TBC1D30: variants seen among roughly 807,000 people sequenced by gnomAD.
TBC1D30 encodes TBC1 domain family member 30, also known as TBC1 domain family, member 30.
Under a neutral mutation model 63.2 loss-of-function variants are expected in TBC1D30, and 31 were observed. The ratio of observed to expected loss-of-function variants is 0.49; its 90% CI spans 0.37 to 0.66. The LOEUF (loss-of-function observed/expected upper bound fraction) is 0.66, where lower values mean the gene tolerates loss of function less well. TBC1D30 is among the 30% of genes least tolerant of loss of function. TBC1D30 has a pLI of 0.00. For synonymous variants in TBC1D30, 307 were observed against 361.5 expected, an observed-to-expected ratio of 0.85 and a Z score of 1.71; for missense variants, 810 against 953.6, an observed-to-expected ratio of 0.85 and a Z score of 1.98.
chr12:64,782,423 G>A (rs74099673), intron 1 of TBC1D30, among the ~76,000 whole-genome samples: 4,899 of 150,344 alleles, frequency 0.033, 290 homozygotes, highest in African/African-American at 0.11. Context: ...GATTGTTACA[G>A]ATAGCTTCCA....
intron 8 of TBC1D30, among the ~76,000 whole-genome samples, chr12:64,856,942 A>G (rs1278459484): frequency 6.6e-6 from 1 of 151,910 alleles, no homozygotes; most frequent in Admixed American, 6.6e-5. Context: ...GGGCTCTTCC[A>G]TCAGCTTATG....
At chr12:64,868,687 C>T (rs1202891587) in intron 10 of TBC1D30, 8 of 270,636 alleles carry the variant, frequency 3.0e-5, no homozygotes, top group South Asian at 2.5e-4. Context: ...TTCTTCTCTT[C>T]GACACCCTCC....
At chr12:64,789,752 C>T (rs1165823162) in intron 2 of TBC1D30, among the ~76,000 whole-genome samples, 2 of 152,036 alleles carry the variant, frequency 1.3e-5, no homozygotes, top group Non-Finnish European at 2.9e-5. Context: ...AAAACAAGAT[C>T]AATATTGTAT....
At chr12:64,803,199 T>C (rs1872683830) in intron 2 of TBC1D30, among the ~76,000 whole-genome samples, 2 of 152,242 alleles carry the variant, frequency 1.3e-5, no homozygotes, top group South Asian at 4.1e-4. Flanking sequence ...CTAACTGGTG[T>C]GAGATGGCAT....
intron 8 of TBC1D30, among the ~76,000 whole-genome samples, chr12:64,853,211 C>T (rs1230446394): frequency 6.6e-6 from 1 of 152,194 alleles, no homozygotes; most frequent in African/African-American, 2.4e-5. Context: ...TGTAGAGAAG[C>T]ACTCTAGCGA....
intron 8 of TBC1D30, among the ~76,000 whole-genome samples, chr12:64,853,538 GA>G (rs1348376321): frequency 1.3e-5 from 2 of 151,240 alleles, no homozygotes; most frequent in Non-Finnish European, 1.5e-5. Flanking sequence ...ACTGGGGTAT[GA>G]AAAAAAAACT....
intron 8 of TBC1D30, among the ~76,000 whole-genome samples, chr12:64,843,851 GC>G (rs750189103): frequency 1.3e-5 from 2 of 152,186 alleles, no homozygotes; most frequent in Non-Finnish European, 2.9e-5. Context: ...GAGTGCAGTG[GC>G]ACAATCGTTG....
intron 2 of TBC1D30, among the ~76,000 whole-genome samples, chr12:64,795,320 T>C (rs566613144): frequency 7.2e-5 from 11 of 152,342 alleles, no homozygotes; most frequent in African/African-American, 2.2e-4. Flanking sequence ...TGGGAGTCTC[T>C]GCATTCAGTA....
chr12:64,827,687 CT>C, intron 1 of TBC1D30, 147 bp from the exon 2 acceptor site: 1 of 591,156 alleles, frequency 1.7e-6, no homozygotes, highest in South Asian at 2.4e-5. Flanking sequence ...ATATGCTTAC[CT>C]TTTGGCAAAA....
chr12:64,845,477 A>G lies in TBC1D30; in HGVS notation c.1038+1992A>G, dbSNP rs890234171. On this transcript the variant is annotated intron_variant, in intron 8 of 11. Coordinates refer to ENST00000539867, the MANE Select transcript of TBC1D30 (RefSeq NM_015279.2). ...CGCGGTGGCTCATGCCTGTAATCCCAGCGCTTTGGGAGGCTGAGGCGGGCA... is the reference window on the plus strand; with the variant it reads ...CGCGGTGGCTCATGCCTGTAATCCCGGCGCTTTGGGAGGCTGAGGCGGGCA... Among the ~76,000 whole-genome samples, 7 of 152,264 alleles carry G rather than the reference A, an allele frequency of 4.6e-5. 1 individual carries two copies. The South Asian group carries it at 1.5e-3, about 32-fold the overall frequency.
chr12:64,837,747 G>A (rs1380089972), intron 6 of TBC1D30, among the ~76,000 whole-genome samples: 1 of 152,190 alleles, frequency 6.6e-6, no homozygotes, highest in East Asian at 1.9e-4. Context: ...TGGCTCTGCA[G>A]TATAACTGTG....
chr12:64,864,766 C>G lies in TBC1D30; in HGVS notation c.1137C>G (p.Pro379=). The G allele has an allele frequency of 6.5e-7, 1 of 1,535,376 alleles. No individual in the cohort carries two copies. Among genetic ancestry groups the G allele is most frequent in the Non-Finnish European group, 8.7e-7 (1 of 1,146,400 alleles). Residue 379 remains proline (P), a synonymous_variant, in exon 9 of 12, where the codon CCC becomes CCG. Transcript: ENST00000539867. ...NITPFPATVK[P]TSVSGRHSKA... Reference sequence around the variant, plus strand: ...CACCGTTCCCAGCCACAGTTAAACCCACCTCAGTTTCTGGGTAAGGTTTTT... The same window carrying G: ...CACCGTTCCCAGCCACAGTTAAACCGACCTCAGTTTCTGGGTAAGGTTTTT...
chr12:64,827,005 G>C (rs368530790), intron 1 of TBC1D30, among the ~76,000 whole-genome samples: 85 of 152,178 alleles, frequency 5.6e-4, no homozygotes, highest in African/African-American at 2.0e-3. Flanking sequence ...CTAAGAAGTG[G>C]AAGTTGTGGA....
intron 3 of TBC1D30, among the ~76,000 whole-genome samples, chr12:64,829,026 G>T (rs1464645669): frequency 6.6e-6 from 1 of 151,930 alleles, no homozygotes; most frequent in Admixed American, 6.6e-5. Flanking sequence ...GGGGTGGGGC[G>T]GGGCTGGGGC....
Position 64,876,957 on chromosome 12 carries a change from A to G in TBC1D30, c.*1169A>G, listed in dbSNP as rs2136495880. The G allele has an allele frequency of 2.4e-5, 11 of 455,460 alleles. No homozygotes were observed. Among genetic ancestry groups the G allele is most frequent in the South Asian group, 1.6e-4 (10 of 64,454 alleles). The allele number at this position is 455,460 out of a possible 1,614,324, so 28.2% of individuals were successfully genotyped here. On this transcript the variant is annotated 3_prime_UTR_variant, in exon 12 of 12. Coordinates refer to ENST00000539867, the MANE Select transcript of TBC1D30 (RefSeq NM_015279.2). ...CAAGGTCAGTACTCTCGGTATTCCA[A>G]GTGACTTAGCCACATTTCCTTCAGT...
At chr12:64,822,102 A>T (rs1336177754), upstream of TBC1D30, among the ~76,000 whole-genome samples, 1 of 152,192 alleles carries the variant, frequency 6.6e-6, no homozygotes, top group African/African-American at 2.4e-5. Context: ...GCGTCATAGG[A>T]ATGCCTTCTT....
intron 1 of TBC1D30, among the ~76,000 whole-genome samples, chr12:64,763,171 G>C (rs1870580378): frequency 6.6e-6 from 1 of 152,084 alleles, no homozygotes; most frequent in South Asian, 2.1e-4. Flanking sequence ...GGCCAGGCTG[G>C]TCTCGAACTC....
intron 2 of TBC1D30, among the ~76,000 whole-genome samples, chr12:64,813,019 G>A (rs1439471088): frequency 6.6e-6 from 1 of 152,120 alleles, no homozygotes; most frequent in Non-Finnish European, 1.5e-5. Flanking sequence ...AAAATAAAGA[G>A]CAAAGAAGCT....
intron 1 of TBC1D30, among the ~76,000 whole-genome samples, chr12:64,761,844 T>A (rs578186157): frequency 6.6e-6 from 1 of 152,214 alleles, no homozygotes; most frequent in Admixed American, 6.5e-5. Context: ...CCTGAATTCT[T>A]CCTTGCTCGA....
Sources: allele counts gnomAD v4.1 joint callset (sites outside exome capture counted in the v4.1 genomes callset), GRCh38; gene constraint gnomAD v4.1.1; transcripts MANE v1.5; gene names NCBI Gene and HGNC (gene_info 2026-07-23, HGNC 2026-07-21).